ACSBG2: variants seen among roughly 807,000 people sequenced by gnomAD.
ACSBG2 encodes the protein long-chain-fatty-acid--CoA ligase ACSBG2.
ACSBG2 carries 62 observed loss-of-function variants against 74.7 expected under a neutral mutation model. The ratio of observed to expected loss-of-function variants is 0.83; its 90% CI spans 0.68 to 1.03. The LOEUF is 1.03. ACSBG2 is among the 50% of genes least tolerant of loss of function. ACSBG2 has a pLI of 0.00. For missense variants in ACSBG2, 730 were observed against 817.6 expected, an observed-to-expected ratio of 0.89 and a Z score of 1.31; for synonymous variants, 309 against 294.1, an observed-to-expected ratio of 1.05 and a Z score of -0.52.
intron 14 of ACSBG2, 153 bp downstream of exon 14, chr19:6,190,845 A>ACACACACT: frequency 1.8e-6 from 1 of 555,200 alleles, no homozygotes; most frequent in Non-Finnish European, 3.2e-6. Flanking sequence ...ACACACACAC[A>ACACACACT]CACACACTCT....
chr19:6,176,928 G>A (rs756197500), intron 7 of ACSBG2, among the ~76,000 whole-genome samples: 6 of 152,002 alleles, frequency 3.9e-5, no homozygotes, highest in Admixed American at 6.6e-5. Context: ...AGGCTGAGGC[G>A]GGAGGTCGCT....
chr19:6,175,720 A>C (rs542332895), intron 7 of ACSBG2, among the ~76,000 whole-genome samples: 10 of 152,356 alleles, frequency 6.6e-5, no homozygotes, highest in Admixed American at 4.6e-4. Flanking sequence ...ACTAGTGAGA[A>C]ATATAAGTGA....
intron 3 of ACSBG2, among the ~76,000 whole-genome samples, chr19:6,149,859 A>C (rs1468475414): frequency 1.4e-5 from 2 of 142,406 alleles, no homozygotes; most frequent in African/African-American, 5.8e-5. Flanking sequence ...TACAGGCGTG[A>C]GCCACCACAC....
chr19:6,169,164 C>T (rs530612616), intron 7 of ACSBG2, among the ~76,000 whole-genome samples: 10 of 152,294 alleles, frequency 6.6e-5, no homozygotes, highest in African/African-American at 2.4e-4. Flanking sequence ...GTTTCTTTTG[C>T]TGTGCAGAAG....
rs138999262 is a variant in ACSBG2, at chr19:6,187,892, G to A, written c.1927+47G>A. 385 of 1,598,608 alleles carry A rather than the reference G, an allele frequency of 2.4e-4. 2 individuals carry two copies. The East Asian group carries it at 6.5e-3, about 27-fold the overall frequency. On this transcript the variant is annotated intron_variant, in intron 13 of 14. Coordinates refer to ENST00000588485, the MANE Select transcript of ACSBG2 (RefSeq NM_030924.5). ...AGGCTGGTCCCTTGTTAGCATCTGG[G>A]ACTGTGTGGGCTCTGAAGAGACAGG...
chr19:6,177,327 G>A lies in ACSBG2; in HGVS notation c.837G>A (p.Gln279=). The A allele has an allele frequency of 6.2e-7, 1 of 1,613,256 alleles. No individual in the cohort carries two copies. Among genetic ancestry groups the A allele is most frequent in the Non-Finnish European group, 8.5e-7 (1 of 1,179,782 alleles). Residue 279 remains glutamine, a synonymous_variant, in exon 8 of 15, where the codon CAG becomes CAA. Transcript: ENST00000588485. The part of the protein sequence containing the change: ...SYLPLSHIAA[Q]MMDIWVPIKI... ...TCCCACTCAGCCATATTGCAGCACA[G>A]ATGATGGACATCTGGGTACCCATAA...
intron 4 of ACSBG2, among the ~76,000 whole-genome samples, chr19:6,154,433 A>AGAGAGAGAG (rs1555691736): frequency 2.1e-5 from 1 of 47,764 alleles, no homozygotes; most frequent in Non-Finnish European, 6.4e-5. Flanking sequence ...AGAGAGAGAG[A>AGAGAGAGAG]AAATTATTAT....
intron 5 of ACSBG2, among the ~76,000 whole-genome samples, chr19:6,160,009 G>C (rs1408862069): frequency 6.6e-6 from 1 of 152,170 alleles, no homozygotes; most frequent in African/African-American, 2.4e-5. Flanking sequence ...TTAGCAAAAT[G>C]GATGTTGCAA....
At chr19:6,187,913 A>G (rs370262255) in intron 13 of ACSBG2, 68 bp downstream of exon 13, 78 of 1,572,432 alleles carry the variant, frequency 5.0e-5, no homozygotes, top group East Asian at 4.5e-4. Context: ...CTCTGAAGAG[A>G]CAGGTCCTTT....
chr19:6,156,951 CTT>C (rs530844999), intron 5 of ACSBG2, among the ~76,000 whole-genome samples: 1 of 146,792 alleles, frequency 6.8e-6, no homozygotes, highest in South Asian at 2.2e-4. Flanking sequence ...GTCAGGCTAA[CTT>C]TTTTTTTTTC....
At chr19:6,177,521 C>T in intron 8 of ACSBG2, 125 bp downstream of exon 8, 6 of 986,654 alleles carry the variant, frequency 6.1e-6, no homozygotes, top group Non-Finnish European at 8.7e-6. Context: ...TTTATCTCTG[C>T]CCTCATCTTA....
chr19:6,190,348 C>T, intron 13 of ACSBG2: 1 of 490,954 alleles, frequency 2.0e-6, no homozygotes, highest in Non-Finnish European at 3.7e-6. Context: ...ACATCAGGCA[C>T]AGAATGCACC....
chr19:6,183,503 G>C (rs535214045), intron 10 of ACSBG2, among the ~76,000 whole-genome samples: 1 of 152,162 alleles, frequency 6.6e-6, no homozygotes, highest in Non-Finnish European at 1.5e-5. Flanking sequence ...TGGTCTCCCC[G>C]TTTGTCACTT....
chr19:6,169,565 G>T (rs1472451536), intron 7 of ACSBG2, among the ~76,000 whole-genome samples: 1 of 151,892 alleles, frequency 6.6e-6, no homozygotes, highest in African/African-American at 2.4e-5. Flanking sequence ...TGCTCTATTT[G>T]GGCTTTCTGG....
At chr19:6,138,032 G>A (rs1009680) in intron 1 of ACSBG2, among the ~76,000 whole-genome samples, 90,787 of 151,524 alleles carry the variant, frequency 0.6, 27,881 homozygotes, top group East Asian at 0.69. Context: ...TAAGCCCCCA[G>A]CTACCTATCA....
chr19:6,172,806 G>A (rs1015814291), intron 7 of ACSBG2, among the ~76,000 whole-genome samples: 2 of 152,248 alleles, frequency 1.3e-5, no homozygotes, highest in South Asian at 2.1e-4. Flanking sequence ...CTGGTGCCAA[G>A]TAGGCATGCA....
At chr19:6,159,407 A>G (rs1054739140) in intron 5 of ACSBG2, among the ~76,000 whole-genome samples, 7 of 152,204 alleles carry the variant, frequency 4.6e-5, no homozygotes, top group Admixed American at 2.0e-4. Context: ...TGAGTTTTCC[A>G]TAACTGGAAA....
Position 6,146,300 on chromosome 19 carries a change from T to A in ACSBG2, c.68-1146T>A, listed in dbSNP as rs144382744. On this transcript the variant is annotated intron_variant, in intron 2 of 14. Transcript: ENST00000588485. Reference sequence around the variant, plus strand: ...GCCTGGGCTACATGGTGAAACCCCATCTCTACTAAAAATACAAAAATTAGC... The same window carrying A: ...GCCTGGGCTACATGGTGAAACCCCAACTCTACTAAAAATACAAAAATTAGC... 2.1e-3 allele frequency among the ~76,000 whole-genome samples: 313 copies of A among 151,316 alleles called. 2 individuals carry two copies. Among genetic ancestry groups the A allele is most frequent in the African/African-American group, 7.1e-3 (292 of 41,172 alleles).
chr19:6,192,071 C>CAAAAAAAAA lies in ACSBG2; in HGVS notation c.*36-580_*36-572dup, dbSNP rs397859531. 115 of 57,442 alleles carry CAAAAAAAAA rather than the reference C, an allele frequency of 2.0e-3. 2 individuals carry two copies. Among genetic ancestry groups the CAAAAAAAAA allele is most frequent in the African/African-American group, 8.1e-3 (95 of 11,694 alleles). 3.6% of individuals were successfully genotyped at this position (57,442 alleles called of 1,614,324 possible). A position where few individuals can be genotyped will look rare whatever the true frequency, so the allele number is the denominator to read the frequency against. Reference sequence around the variant, plus strand: ...ACACTGGGCTTCAAAAGCACAGCACCAAAAAAAAAAAAAAAAAAAAAAAAA... The same window carrying CAAAAAAAAA: ...ACACTGGGCTTCAAAAGCACAGCACCAAAAAAAAAAAAAAAAAAAAAAAAAAAAAAAAAA... On this transcript the variant is annotated intron_variant, in intron 14 of 14. Transcript: ENST00000588485.
Sources: gnomAD v4.1 joint callset for allele counts (sites outside exome capture counted in the v4.1 genomes callset) on GRCh38, gnomAD v4.1.1 for gene constraint, MANE v1.5 for transcripts, NCBI Gene and HGNC (gene_info 2026-07-23, HGNC 2026-07-21) for gene names.